The following FZD3 variants were observed in gnomAD, a reference collection of about 807,000 sequenced individuals.
FZD3 encodes the protein frizzled-3.
In FZD3, 30 loss-of-function variants were observed where a neutral mutation model predicts 60.7. That is an observed-to-expected ratio of 0.49 (90% CI 0.37 to 0.67). The LOEUF (loss-of-function observed/expected upper bound fraction) is 0.67, where lower values mean the gene tolerates loss of function less well. FZD3 is among the 30% of genes least tolerant of loss of function. FZD3 has a pLI of 0.00. For synonymous variants in FZD3, 246 were observed against 275.2 expected, an observed-to-expected ratio of 0.89 and a Z score of 1.05; for missense variants, 605 against 838.7, an observed-to-expected ratio of 0.72 and a Z score of 3.44.
chr8:28,494,652 C>T (rs980460419), intron 1 of FZD3, among the ~76,000 whole-genome samples: 19 of 152,038 alleles, frequency 1.2e-4, no homozygotes, highest in African/African-American at 4.3e-4. Flanking sequence ...GGGAGCTGCC[C>T]CGGGAGACTG....
At chr8:28,515,282 C>T (rs1272099327) in intron 3 of FZD3, among the ~76,000 whole-genome samples, 1 of 152,130 alleles carries the variant, frequency 6.6e-6, no homozygotes, top group African/African-American at 2.4e-5. Context: ...TTCTTGTCTC[C>T]TCAGAAGAAT....
chr8:28,545,407 T>G (rs1210182952), intron 5 of FZD3, among the ~76,000 whole-genome samples: 2 of 152,106 alleles, frequency 1.3e-5, no homozygotes, highest in African/African-American at 4.8e-5. Flanking sequence ...CCACAAGATG[T>G]GTGGAAGCCC....
chr8:28,529,758 A>G (rs992356990), intron 5 of FZD3, among the ~76,000 whole-genome samples: 16 of 152,322 alleles, frequency 1.1e-4, no homozygotes, highest in African/African-American at 3.6e-4. Flanking sequence ...GAAAAAATGA[A>G]TAATTGAAAT....
rs1805681342 is a variant in FZD3, at chr8:28,564,961, G to T, written c.*1950G>T. ...CTCTTTGAAAACTGTAAAGCATTAT[G>T]AATGATAAGGGATTAGGTTATTGTG... On this transcript the variant is annotated 3_prime_UTR_variant, in exon 8 of 8. Transcript: ENST00000240093. 6.6e-6 allele frequency: 1 copy of T among 152,204 alleles called. No homozygotes were observed. Among genetic ancestry groups the T allele is most frequent in the Non-Finnish European group, 1.5e-5 (1 of 68,040 alleles). The allele number at this position is 152,204 out of a possible 1,614,324, so 9.4% of individuals were successfully genotyped here. A position where few individuals can be genotyped will look rare whatever the true frequency, so the allele number is the denominator to read the frequency against.
At chr8:28,544,665 A>G (rs925219896) in intron 5 of FZD3, among the ~76,000 whole-genome samples, 2 of 152,154 alleles carry the variant, frequency 1.3e-5, no homozygotes, top group Non-Finnish European at 2.9e-5. Context: ...AGTCCAAAAT[A>G]TGTGGGAAGA....
In FZD3 at chr8:28,569,630, A is replaced by G. The variant is rs887269153; in HGVS notation, c.*6619A>G. On this transcript the variant is annotated 3_prime_UTR_variant, in exon 8 of 8. Transcript: ENST00000240093. ...CGTCATTTACATGTAAATTGATGGG[A>G]TTCAGATATTTTATCAACTGTTTTT... 4 of 152,140 alleles carry G rather than the reference A, an allele frequency of 2.6e-5. No homozygotes were observed. In the East Asian group the frequency reaches 7.7e-4, roughly 29 times the overall value. 9.4% of individuals were successfully genotyped at this position (152,140 alleles called of 1,614,324 possible).
chr8:28,518,124 T>G (rs2130340314), intron 3 of FZD3, among the ~76,000 whole-genome samples: 1 of 152,172 alleles, frequency 6.6e-6, no homozygotes, highest in Middle Eastern at 3.4e-3. Flanking sequence ...GCAGCTTTGA[T>G]CATAGCTTAC....
intron 3 of FZD3, among the ~76,000 whole-genome samples, chr8:28,504,087 G>A (rs1286445623): frequency 6.6e-6 from 1 of 152,170 alleles, no homozygotes; most frequent in Non-Finnish European, 1.5e-5. Context: ...GCAAATGGAA[G>A]CCTACATGTT....
Position 28,551,749 on chromosome 8 carries a change from AGAGT to A in FZD3, c.1552_1553+2del, listed in dbSNP as rs1475640043. 6.3e-7 allele frequency: 1 copy of A among 1,599,706 alleles called. No homozygotes were observed. Among genetic ancestry groups the A allele is most frequent in the East Asian group, 2.2e-5 (1 of 44,784 alleles). ...GTTTTTTTCATGGTCGTAGGAAAAAAGAGTAAGTTGAAATAAATGATCACAGTGT... is the reference window on the plus strand; with the variant it reads ...GTTTTTTTCATGGTCGTAGGAAAAAAAAGTTGAAATAAATGATCACAGTGT... On this transcript the variant is annotated splice_donor_variant and coding_sequence_variant, in exon 6 of 8. Transcript: ENST00000240093. LOFTEE classifies it high-confidence loss of function.
intron 3 of FZD3, among the ~76,000 whole-genome samples, chr8:28,512,588 G>T (rs1417989379): frequency 6.6e-6 from 1 of 151,902 alleles, no homozygotes; most frequent in Non-Finnish European, 1.5e-5. Context: ...AACTAGTAAA[G>T]AAATTTTATT....
chr8:28,530,460 A>C (rs1308299086), intron 5 of FZD3: 1 of 152,114 alleles, frequency 6.6e-6, no homozygotes. Context: ...TGATCTCGGA[A>C]GCTAAGCAGG....
intron 5 of FZD3, among the ~76,000 whole-genome samples, chr8:28,535,408 C>T (rs893906431): frequency 4.6e-5 from 7 of 152,158 alleles, no homozygotes; most frequent in South Asian, 2.1e-4. Flanking sequence ...TTATTATTAA[C>T]TAAAGTTCAT....
chr8:28,523,960 G>GC (rs1804650973), intron 4 of FZD3, among the ~76,000 whole-genome samples: 1 of 151,972 alleles, frequency 6.6e-6, no homozygotes, highest in South Asian at 2.1e-4. Flanking sequence ...TTCCTCCCTG[G>GC]CCCCACATCC....
At chr8:28,502,231 T>C (rs1474673712) in intron 2 of FZD3, among the ~76,000 whole-genome samples, 5 of 152,180 alleles carry the variant, frequency 3.3e-5, no homozygotes, top group Non-Finnish European at 5.9e-5. Context: ...ACAGATGCCT[T>C]CTGCTACATC....
At chr8:28,559,321 A>G (rs966129050) in intron 7 of FZD3, among the ~76,000 whole-genome samples, 3 of 152,190 alleles carry the variant, frequency 2.0e-5, no homozygotes. Flanking sequence ...ATAATAATAC[A>G]GGAAGAAGAA....
chr8:28,535,038 T>C (rs1273891449), intron 5 of FZD3, among the ~76,000 whole-genome samples: 1 of 152,228 alleles, frequency 6.6e-6, no homozygotes, highest in Admixed American at 6.5e-5. Context: ...AACAGTTATC[T>C]CTCACATTAC....
intron 5 of FZD3, among the ~76,000 whole-genome samples, chr8:28,535,494 AG>A (rs984958308): frequency 6.6e-6 from 1 of 152,180 alleles, no homozygotes; most frequent in African/African-American, 2.4e-5. Flanking sequence ...GATGACATGT[AG>A]TAGTCATGTC....
chr8:28,541,133 G>A (rs997402940), intron 5 of FZD3, among the ~76,000 whole-genome samples: 3 of 140,934 alleles, frequency 2.1e-5, no homozygotes, highest in Admixed American at 7.0e-5. Context: ...AGATAATAAT[G>A]TATTCTCCTT....
intron 5 of FZD3, among the ~76,000 whole-genome samples, chr8:28,539,249 A>C (rs1298890777): frequency 2.0e-5 from 3 of 152,148 alleles, no homozygotes; most frequent in Non-Finnish European, 2.9e-5. Context: ...TTAGATTCTC[A>C]TAGGAGCGCG....
Sources: gnomAD v4.1 joint callset for allele counts (sites outside exome capture counted in the v4.1 genomes callset) on GRCh38, gnomAD v4.1.1 for gene constraint, MANE v1.5 for transcripts, NCBI Gene and HGNC (gene_info 2026-07-23, HGNC 2026-07-21) for gene names.